The following CSGALNACT1 variants were observed in gnomAD, a reference collection of about 807,000 sequenced individuals.
CSGALNACT1 encodes chondroitin sulfate N-acetylgalactosaminyltransferase 1, also known as beta4GalNAcT-1.
Under a neutral mutation model 51.0 loss-of-function variants are expected in CSGALNACT1, and 52 were observed. The observed-to-expected ratio is 1.02, with a 90% CI of 0.82 to 1.29. The LOEUF (loss-of-function observed/expected upper bound fraction) is 1.29. Among genes scored for constraint, CSGALNACT1 ranks in the 50% most tolerant of loss-of-function variants. CSGALNACT1 has a pLI of 0.00. For missense variants in CSGALNACT1, 935 were observed against 679.2 expected (o/e 1.38, Z -4.19); for synonymous variants, 341 against 254.4 (o/e 1.34, Z -3.24).
At chr8:19,445,330 A>G (rs1434492799) in intron 5 of CSGALNACT1, among the ~76,000 whole-genome samples, 2 of 152,208 alleles carry the variant, frequency 1.3e-5, no homozygotes, top group Non-Finnish European at 2.9e-5. Flanking sequence ...TCCATCCTAG[A>G]ATCAGGAGAG....
chr8:19,547,497 G>A (rs2086750042), intron 3 of CSGALNACT1, among the ~76,000 whole-genome samples: 1 of 152,074 alleles, frequency 6.6e-6, no homozygotes, highest in Non-Finnish European at 1.5e-5. Context: ...GAGATCTAGT[G>A]GTTTTGTAAG....
chr8:19,753,049 T>G (rs2065139409), intron 1 of CSGALNACT1, among the ~76,000 whole-genome samples: 1 of 152,118 alleles, frequency 6.6e-6, no homozygotes, highest in Admixed American at 6.5e-5. Context: ...TGCATAAAGC[T>G]TTGTACCTAT....
At chr8:19,476,629 A>G (rs1274615800) in intron 4 of CSGALNACT1, among the ~76,000 whole-genome samples, 1 of 152,158 alleles carries the variant, frequency 6.6e-6, no homozygotes, top group Non-Finnish European at 1.5e-5. Context: ...CTATAACTGC[A>G]TGACCTAAGA....
chr8:19,650,514 A>G (rs1179017940), intron 1 of CSGALNACT1, among the ~76,000 whole-genome samples: 1 of 152,172 alleles, frequency 6.6e-6, no homozygotes, highest in Admixed American at 6.5e-5. Flanking sequence ...AGCTAAATCA[A>G]ATGCAATCCA....
chr8:19,405,960 G>C lies in CSGALNACT1; in HGVS notation c.1419C>G (p.Phe473Leu), dbSNP rs201889650. ...TGCAGCGCTTCTCATGCCAGAGGTG[G>C]AAGAGTCCTCGCACAGGCGTCCGTA... The change falls in exon 10 of 10, where the codon TTC (phenylalanine) becomes TTG (leucine). Residue 473 changes from phenylalanine (F) to leucine (L), a missense_variant. Coordinates refer to ENST00000454498, the Ensembl canonical transcript of CSGALNACT1. The C allele has an allele frequency of 3.5e-5, 56 of 1,614,212 alleles. No individual in the cohort carries two copies. The Admixed American group carries it at 4.8e-4, about 14-fold the overall frequency.
At chr8:19,668,600 G>A (rs1312516243) in intron 1 of CSGALNACT1, among the ~76,000 whole-genome samples, 1 of 152,126 alleles carries the variant, frequency 6.6e-6, no homozygotes, top group African/African-American at 2.4e-5. Flanking sequence ...TGTCACACAG[G>A]TTGGAATGTA....
chr8:19,407,666 C>G (rs1016797032), intron 9 of CSGALNACT1, among the ~76,000 whole-genome samples: 1 of 152,154 alleles, frequency 6.6e-6, no homozygotes, highest in Non-Finnish European at 1.5e-5. Flanking sequence ...GTCTCCTCAC[C>G]TAGATCCCAA....
chr8:19,634,045 C>A (rs1279412208), intron 1 of CSGALNACT1, among the ~76,000 whole-genome samples: 1 of 152,208 alleles, frequency 6.6e-6, no homozygotes, highest in Non-Finnish European at 1.5e-5. Flanking sequence ...AAAGCCCCTC[C>A]TGGGACTTGG....
chr8:19,721,670 G>T (rs2063136985), intron 1 of CSGALNACT1, among the ~76,000 whole-genome samples: 1 of 152,274 alleles, frequency 6.6e-6, no homozygotes, highest in East Asian at 1.9e-4. Flanking sequence ...GTCTGTCATG[G>T]AAAATGTTAA....
chr8:19,618,500 C>T (rs1484605289), intron 1 of CSGALNACT1, among the ~76,000 whole-genome samples: 1 of 151,674 alleles, frequency 6.6e-6, no homozygotes, highest in East Asian at 1.9e-4. Context: ...ATTAGCCAGG[C>T]TCAGTGGTGG....
chr8:19,606,171 GA>G (rs922682334), upstream of CSGALNACT1, among the ~76,000 whole-genome samples: 1 of 152,144 alleles, frequency 6.6e-6, no homozygotes, highest in African/African-American at 2.4e-5. Context: ...AATAACAAAT[GA>G]AAAACACCAC....
chr8:19,747,144 C>G (rs1229271962), intron 1 of CSGALNACT1, among the ~76,000 whole-genome samples: 1 of 152,142 alleles, frequency 6.6e-6, no homozygotes, highest in African/African-American at 2.4e-5. Context: ...CCTCTGTGCA[C>G]CAGTAAAATT....
At chr8:19,714,508 G>C (rs976256679) in intron 1 of CSGALNACT1, among the ~76,000 whole-genome samples, 2 of 151,896 alleles carry the variant, frequency 1.3e-5, no homozygotes, top group Admixed American at 6.6e-5. Context: ...CTATATGTTA[G>C]ACTGATTTTA....
At chr8:19,572,076 G>A (rs2043166697) in intron 3 of CSGALNACT1, among the ~76,000 whole-genome samples, 1 of 152,122 alleles carries the variant, frequency 6.6e-6, no homozygotes, top group East Asian at 1.9e-4. Flanking sequence ...TTCTCATGTT[G>A]AGAACAGCAA....
rs150759946 is a variant in CSGALNACT1, at chr8:19,528,496, C to T, written c.-296-22366G>A. Among the ~76,000 whole-genome samples, 93 of 152,258 alleles carry T rather than the reference C, an allele frequency of 6.1e-4. 1 individual carries two copies. The East Asian group carries it at 0.014, about 24-fold the overall frequency. On this transcript the variant is annotated intron_variant, in intron 3 of 9. Transcript: ENST00000454498. ...CGCAAAATACCAAACACCCCCTTTT[C>T]TTGGCCAAAGTGACTGCCTCTTTAC...
intron 3 of CSGALNACT1, among the ~76,000 whole-genome samples, chr8:19,583,372 G>A (rs2045983896): frequency 6.6e-6 from 1 of 152,048 alleles, no homozygotes; most frequent in South Asian, 2.1e-4. Flanking sequence ...TGGATTTCTT[G>A]TAGGACAGGT....
chr8:19,427,179 G>C (rs987130508), intron 6 of CSGALNACT1, among the ~76,000 whole-genome samples: 1 of 152,024 alleles, frequency 6.6e-6, no homozygotes, highest in Non-Finnish European at 1.5e-5. Flanking sequence ...CTTCATTTTT[G>C]CCTTTCCATC....
intron 3 of CSGALNACT1, among the ~76,000 whole-genome samples, chr8:19,527,779 G>A (rs1335351964): frequency 6.6e-6 from 1 of 152,128 alleles, no homozygotes; most frequent in Non-Finnish European, 1.5e-5. Flanking sequence ...ATCAAATTTG[G>A]GGAGGAGATT....
intron 6 of CSGALNACT1, among the ~76,000 whole-genome samples, chr8:19,425,746 T>A (rs1209800948): frequency 6.6e-6 from 1 of 152,154 alleles, no homozygotes; most frequent in African/African-American, 2.4e-5. Flanking sequence ...GAGCCTTCCC[T>A]CAGTCTCTTT....
Sources: allele counts gnomAD v4.1 joint callset (sites outside exome capture counted in the v4.1 genomes callset), GRCh38; gene constraint gnomAD v4.1.1; transcripts MANE v1.5; gene names NCBI Gene and HGNC (gene_info 2026-07-23, HGNC 2026-07-21).